Variants in MOB1B observed in about 807,000 individuals in gnomAD.
MOB1B encodes MOB kinase activator 1B.
A neutral mutation model predicts 24.4 loss-of-function variants in MOB1B; 19 were observed. The ratio of observed to expected loss-of-function variants is 0.78; its 90% CI spans 0.54 to 1.14. The LOEUF (loss-of-function observed/expected upper bound fraction) is 1.14, where lower values mean the gene tolerates loss of function less well. MOB1B is among the 50% of genes most tolerant of loss of function. The probability of loss-of-function intolerance (pLI) is 0.00; values close to 1 mark genes in which losing one functional copy is unlikely to be tolerated. For missense variants in MOB1B, 243 were observed against 259.6 expected (o/e 0.94, Z 0.44); for synonymous variants, 76 against 82.1 (o/e 0.93, Z 0.40).
At chr4:70,902,640 C>T in intron 1 of MOB1B, 90 bp downstream of exon 1, 1 of 1,315,778 alleles carries the variant, frequency 7.6e-7, no homozygotes, top group Non-Finnish European at 1.0e-6. Flanking sequence ...GCCCTCGTCC[C>T]GACCCTCCTG....
chr4:70,949,186 C>T (rs574971015), intron 1 of MOB1B, among the ~76,000 whole-genome samples: 5 of 152,224 alleles, frequency 3.3e-5, no homozygotes, highest in South Asian at 2.1e-4. Flanking sequence ...TTCTGAACTG[C>T]GGATAGCAGA....
chr4:70,955,505 T>G (rs1164979479), intron 1 of MOB1B, among the ~76,000 whole-genome samples: 3 of 148,892 alleles, frequency 2.0e-5, no homozygotes, highest in Non-Finnish European at 4.5e-5. Flanking sequence ...ATGTCTTGCT[T>G]TGTCATCCAG....
intron 1 of MOB1B, among the ~76,000 whole-genome samples, chr4:70,912,921 C>T (rs1736052967): frequency 6.6e-6 from 1 of 152,142 alleles, no homozygotes; most frequent in African/African-American, 2.4e-5. Context: ...CTACCACACC[C>T]GGCTAATCAT....
intron 1 of MOB1B, among the ~76,000 whole-genome samples, chr4:70,920,967 A>C (rs937442199): frequency 1.3e-5 from 2 of 152,230 alleles, no homozygotes; most frequent in East Asian, 3.8e-4. Flanking sequence ...ATGACTTGCT[A>C]GAAATGCATC....
At chr4:70,912,283 AT>A (rs57359101) in intron 1 of MOB1B, among the ~76,000 whole-genome samples, 131,053 of 142,940 alleles carry the variant, frequency 0.92, 60,299 homozygotes, top group Non-Finnish European at 0.96. Context: ...TTTAAATTAA[AT>A]TTTTTTTTTT....
chr4:70,965,796 C>CAAA (rs71211986), intron 2 of MOB1B, among the ~76,000 whole-genome samples: 1,454 of 28,670 alleles, frequency 0.051, 192 homozygotes, highest in African/African-American at 0.066. Context: ...GACTCCGTCT[C>CAAA]AAAAAAAAAA....
chr4:70,948,818 T>C (rs1267156118), intron 1 of MOB1B, among the ~76,000 whole-genome samples: 1 of 152,188 alleles, frequency 6.6e-6, no homozygotes, highest in African/African-American at 2.4e-5. Flanking sequence ...TATAGAGGTA[T>C]GCCAGTAAGT....
At chr4:70,968,997 C>T (rs1738649333) in intron 2 of MOB1B, among the ~76,000 whole-genome samples, 1 of 152,140 alleles carries the variant, frequency 6.6e-6, no homozygotes, top group Non-Finnish European at 1.5e-5. Context: ...TTTGCTTATT[C>T]TGCAGTGATG....
chr4:70,973,847 G>T (rs963786827), intron 3 of MOB1B, among the ~76,000 whole-genome samples: 13 of 152,148 alleles, frequency 8.5e-5, no homozygotes, highest in Non-Finnish European at 1.2e-4. Flanking sequence ...TCAGGTATAA[G>T]TAGTTCTGAT....
intron 1 of MOB1B, among the ~76,000 whole-genome samples, chr4:70,948,508 C>G (rs1205059993): frequency 6.6e-6 from 1 of 152,194 alleles, no homozygotes; most frequent in Non-Finnish European, 1.5e-5. Context: ...AGGAGAACTT[C>G]AGCTTCTCCA....
intron 1 of MOB1B, among the ~76,000 whole-genome samples, chr4:70,906,230 T>C (rs1037444796): frequency 1.3e-5 from 2 of 152,004 alleles, no homozygotes; most frequent in East Asian, 3.9e-4. Context: ...TAAAAAAAAT[T>C]AGCCGGGCGT....
At chr4:70,944,472 A>G (rs1472783760) in intron 1 of MOB1B, among the ~76,000 whole-genome samples, 2 of 152,208 alleles carry the variant, frequency 1.3e-5, no homozygotes, top group South Asian at 2.1e-4. Flanking sequence ...TTTGAGATTG[A>G]CAACTCGTTT....
intron 1 of MOB1B, among the ~76,000 whole-genome samples, chr4:70,914,940 A>G (rs1736138926): frequency 6.6e-6 from 1 of 152,192 alleles, no homozygotes; most frequent in Non-Finnish European, 1.5e-5. Flanking sequence ...TACATGTGTG[A>G]CAGTAATGTG....
chr4:70,959,424 G>A (rs77159815), intron 2 of MOB1B, among the ~76,000 whole-genome samples: 1,909 of 152,164 alleles, frequency 0.013, 25 homozygotes, highest in Middle Eastern at 0.027. Flanking sequence ...ATGTTGTCCA[G>A]GATTGTCTTG....
chr4:70,929,020 C>A (rs1381595699), intron 1 of MOB1B, among the ~76,000 whole-genome samples: 3 of 152,118 alleles, frequency 2.0e-5, no homozygotes, highest in African/African-American at 7.2e-5. Context: ...TGAGAGTGCT[C>A]ATTTCCCTGC....
At chr4:70,965,704 G>A (rs1738494472) in intron 2 of MOB1B, among the ~76,000 whole-genome samples, 1 of 149,194 alleles carries the variant, frequency 6.7e-6, no homozygotes, top group Non-Finnish European at 1.5e-5. Context: ...GGCTGAGGCA[G>A]GAGAATGGCG....
chr4:70,986,650 A>G lies in MOB1B; in HGVS notation c.*4593A>G, dbSNP rs563888392. On this transcript the variant is annotated 3_prime_UTR_variant, in exon 6 of 6. Transcript: ENST00000309395. ...GAAACACTTTAAGGACTACTCTTAAATAACTTAAATATCAGAGTTTTGTTG... is the reference window on the plus strand; with the variant it reads ...GAAACACTTTAAGGACTACTCTTAAGTAACTTAAATATCAGAGTTTTGTTG... The G allele has an allele frequency of 4.6e-5, 7 of 152,318 alleles. No individual in the cohort carries two copies. Among genetic ancestry groups the G allele is most frequent in the Middle Eastern group, 6.8e-3 (2 of 294 alleles). 9.4% of individuals were successfully genotyped at this position (152,318 alleles called of 1,614,324 possible). A position where few individuals can be genotyped will look rare whatever the true frequency, so the allele number is the denominator to read the frequency against.
chr4:70,910,088 T>G (rs1460545097), intron 1 of MOB1B, among the ~76,000 whole-genome samples: 3 of 151,478 alleles, frequency 2.0e-5, no homozygotes, highest in Non-Finnish European at 4.4e-5. Context: ...TCACGCAGAC[T>G]GCAGTGTAGT....
At chr4:70,912,187 G>A (rs947809260) in intron 1 of MOB1B, among the ~76,000 whole-genome samples, 9 of 151,482 alleles carry the variant, frequency 5.9e-5, no homozygotes, top group Admixed American at 1.3e-4. Context: ...GTGAGCCACC[G>A]TGCCCAGCCT....
Sources: allele counts gnomAD v4.1 joint callset (sites outside exome capture counted in the v4.1 genomes callset), GRCh38; gene constraint gnomAD v4.1.1; transcripts MANE v1.5; gene names NCBI Gene and HGNC (gene_info 2026-07-23, HGNC 2026-07-21).